GSAP: variants seen among roughly 807,000 people sequenced by gnomAD.
GSAP encodes gamma-secretase-activating protein.
In GSAP, 118 loss-of-function variants were observed where a neutral mutation model predicts 131.7. The ratio of observed to expected loss-of-function variants is 0.90; its 90% CI spans 0.77 to 1.04. GSAP has a LOEUF of 1.04. Among genes scored for constraint, GSAP ranks in the 50% least tolerant of loss-of-function variants. The pLI, the probability that GSAP is intolerant of heterozygous loss-of-function variation, is 0.00. For missense variants in GSAP, 1,019 were observed against 1,013.2 expected (o/e 1.01, Z -0.08); for synonymous variants, 381 against 363.4 (o/e 1.05, Z -0.55).
chr7:77,389,198 C>T (rs1316191301), intron 5 of GSAP, among the ~76,000 whole-genome samples: 1 of 151,628 alleles, frequency 6.6e-6, no homozygotes, highest in South Asian at 2.1e-4. Flanking sequence ...ATAGCACGAA[C>T]TGACATTTTT....
chr7:77,375,965 T>C (rs577389634), intron 10 of GSAP, among the ~76,000 whole-genome samples: 5 of 152,290 alleles, frequency 3.3e-5, no homozygotes, highest in African/African-American at 1.2e-4. Flanking sequence ...AGTTCTTAAA[T>C]TGAAATTTTC....
chr7:77,320,094 G>C (rs1787426927), intron 26 of GSAP, among the ~76,000 whole-genome samples: 1 of 151,992 alleles, frequency 6.6e-6, no homozygotes, highest in Non-Finnish European at 1.5e-5. Flanking sequence ...AGCTAACAGG[G>C]GCTTATTTCT....
At chr7:77,395,658 T>A (rs1291799097) in intron 5 of GSAP, among the ~76,000 whole-genome samples, 1 of 152,032 alleles carries the variant, frequency 6.6e-6, no homozygotes. Flanking sequence ...AAATCTCCCA[T>A]AAACAACTTT....
In GSAP at chr7:77,383,925, T is replaced by C. The variant is rs543573102; in HGVS notation, c.457-1282A>G. On this transcript the variant is annotated intron_variant, in intron 6 of 30. Transcript: ENST00000257626. The stretch of plus-strand genomic sequence containing the variant: ...AGATTAAAAATAGTACTAGTCAAAT[T>C]TTGGAACATTTATAGTTGAGTTCCC... Among the ~76,000 whole-genome samples the C allele has an allele frequency of 3.9e-5, 6 of 152,354 alleles. No individual in the cohort carries two copies. In the South Asian group the frequency reaches 1.2e-3, roughly 32 times the overall value.
At chr7:77,391,222 C>G (rs1481081666) in intron 5 of GSAP, among the ~76,000 whole-genome samples, 3 of 150,552 alleles carry the variant, frequency 2.0e-5, no homozygotes, top group Non-Finnish European at 4.4e-5. Flanking sequence ...AGACAGCCAG[C>G]TATCAGCAAG....
chr7:77,408,943 G>A (rs1802800112), intron 1 of GSAP, among the ~76,000 whole-genome samples: 1 of 151,082 alleles, frequency 6.6e-6, no homozygotes, highest in Non-Finnish European at 1.5e-5. Context: ...AACATTTAGA[G>A]AGAGGAAGAC....
At chr7:77,319,920 C>T (rs1173213285) in intron 26 of GSAP, among the ~76,000 whole-genome samples, 1 of 152,170 alleles carries the variant, frequency 6.6e-6, no homozygotes, top group Non-Finnish European at 1.5e-5. Context: ...TATAAAGTTT[C>T]AGCTATGAAA....
rs772993755 is a variant in GSAP, at chr7:77,387,346, G to T, written c.456+14C>A. On this transcript the variant is annotated intron_variant, in intron 6 of 30. Coordinates refer to ENST00000257626, the MANE Select transcript of GSAP (RefSeq NM_017439.4). Reference sequence around the variant, plus strand: ...TGATTAATGAGATAAGTGATAAATGGCATGCTTACTTACCTGAACCCAAAT... The same window carrying T: ...TGATTAATGAGATAAGTGATAAATGTCATGCTTACTTACCTGAACCCAAAT... 1.1e-5 allele frequency: 15 copies of T among 1,304,430 alleles called. No homozygotes were observed. In the Admixed American group the frequency reaches 2.0e-4, roughly 18 times the overall value. 80.8% of individuals were successfully genotyped at this position (1,304,430 alleles called of 1,614,324 possible). A position where few individuals can be genotyped will look rare whatever the true frequency, so the allele number is the denominator to read the frequency against.
chr7:77,397,826 A>C (rs745813004), intron 3 of GSAP, among the ~76,000 whole-genome samples: 1 of 152,196 alleles, frequency 6.6e-6, no homozygotes, highest in African/African-American at 2.4e-5. Flanking sequence ...GATAATCTAC[A>C]TGAAGCACTT....
At position 77,313,525 on chromosome 7, in the gene GSAP, T is replaced by C. The variant is rs1359459264; in HGVS notation, c.2234A>G (p.Glu745Gly). 3 of 1,557,302 alleles carry C rather than the reference T, an allele frequency of 1.9e-6. No individual in the cohort carries two copies. Among genetic ancestry groups the C allele is most frequent in the East Asian group, 2.2e-5 (1 of 44,532 alleles). Reference protein sequence around the residue: ...MKDLDNTEKNEKLKFSIIVRL... With the variant: ...MKDLDNTEKNGKLKFSIIVRL... Reference sequence around the variant, plus strand: ...CACAATGATACTGAATTTCAGTTTTTCATTTTTCTCTGTATTATCCAGATC... The same window carrying C: ...CACAATGATACTGAATTTCAGTTTTCCATTTTTCTCTGTATTATCCAGATC... The change falls in exon 28 of 31, where the codon GAA becomes GGA. Residue 745 changes from glutamate to glycine, a missense_variant. Glu to Gly is a moderately conservative substitution (Grantham distance 98, BLOSUM62 -2). Coordinates refer to ENST00000257626, the MANE Select transcript of GSAP (RefSeq NM_017439.4).
chr7:77,328,098 T>C, intron 22 of GSAP: 6 of 517,722 alleles, frequency 1.2e-5, no homozygotes, highest in Non-Finnish European at 1.5e-5. Context: ...GAGGCCATGC[T>C]GGAATATAAG....
At chr7:77,384,590 G>A (rs981812706) in intron 6 of GSAP, among the ~76,000 whole-genome samples, 3 of 151,774 alleles carry the variant, frequency 2.0e-5, no homozygotes, top group African/African-American at 7.3e-5. Flanking sequence ...TGTGTAGAGG[G>A]TGTGTAATTA....
Position 77,321,264 on chromosome 7 carries a change from G to T in GSAP, c.1994+69C>A. The T allele has an allele frequency of 3.2e-6, 3 of 934,362 alleles. No homozygotes were observed. In the South Asian group the frequency reaches 4.0e-5, roughly 12 times the overall value. The allele number at this position is 934,362 out of a possible 1,614,324, so 57.9% of individuals were successfully genotyped here. On this transcript the variant is annotated intron_variant, in intron 25 of 30. Transcript: ENST00000257626. ...TGATTTGAACTAGTGCATTTCAAAA[G>T]GGTTTTGCTACAACAGAGTTGTTTC...
intron 5 of GSAP, among the ~76,000 whole-genome samples, chr7:77,395,356 G>T (rs774572181): frequency 1.3e-5 from 2 of 152,052 alleles, no homozygotes; most frequent in Non-Finnish European, 2.9e-5. Context: ...TGGAGAAATG[G>T]GTCTATTAGC....
intron 1 of GSAP, among the ~76,000 whole-genome samples, chr7:77,411,845 C>T (rs752786792): frequency 2.6e-5 from 4 of 152,008 alleles, no homozygotes; most frequent in African/African-American, 4.8e-5. Flanking sequence ...GGGGACTTAC[C>T]CTACCAGTTA....
rs1266772930 is a variant in GSAP at position 77,386,490 on chromosome 7, T to C, written c.456+870A>G. Among the ~76,000 whole-genome samples the C allele has an allele frequency of 5.3e-5, 8 of 152,254 alleles. No individual in the cohort carries two copies. In the East Asian group the frequency reaches 1.5e-3, roughly 29 times the overall value. On this transcript the variant is annotated intron_variant, in intron 6 of 30. Coordinates refer to ENST00000257626, the MANE Select transcript of GSAP (RefSeq NM_017439.4). Reference sequence around the variant, plus strand: ...TAGTCACAGCATGTTTGTCAACAGATCAGTATATAATTTTGTTTTGTGTGT... The same window carrying C: ...TAGTCACAGCATGTTTGTCAACAGACCAGTATATAATTTTGTTTTGTGTGT...
chr7:77,394,422 C>T (rs1032899419), intron 5 of GSAP, among the ~76,000 whole-genome samples: 1 of 152,188 alleles, frequency 6.6e-6, no homozygotes, highest in African/African-American at 2.4e-5. Context: ...TCCATCCCCA[C>T]CTTCAGGTCT....
intron 1 of GSAP, among the ~76,000 whole-genome samples, chr7:77,408,689 CAAAAAAAAAAAAA>C (rs749202124): frequency 2.4e-4 from 16 of 67,060 alleles, no homozygotes; most frequent in Middle Eastern, 9.4e-3. Context: ...ACTCTGCCTC[CAAAAAAAAAAAAA>C]AAAAAAAAAA....
At position 77,320,822 on chromosome 7, in the gene GSAP, G is replaced by A. The variant is rs762284642; in HGVS notation, c.1995-3C>T. The stretch of plus-strand genomic sequence containing the variant: ...CAGCAGCACTGCCACGACTATTGCT[G>A]GGTAAAAAAAACAAAGCAGCATGTC... On this transcript the variant is annotated splice_region_variant and splice_polypyrimidine_tract_variant and intron_variant, in intron 25 of 30. Coordinates refer to ENST00000257626, the MANE Select transcript of GSAP (RefSeq NM_017439.4). 1 of 1,591,898 alleles carries A rather than the reference G, an allele frequency of 6.3e-7. No homozygotes were observed. The highest frequency in any genetic ancestry group is 1.1e-5 in the South Asian group (1 of 90,640).
Sources: allele counts gnomAD v4.1 joint callset (sites outside exome capture counted in the v4.1 genomes callset), GRCh38; gene constraint gnomAD v4.1.1; transcripts MANE v1.5; gene names NCBI Gene and HGNC (gene_info 2026-07-23, HGNC 2026-07-21).